AGPS: variants seen among roughly 807,000 people sequenced by gnomAD.
AGPS encodes the protein alkylglycerone phosphate synthase.
A neutral mutation model predicts 90.7 loss-of-function variants in AGPS; 26 were observed. The ratio of observed to expected loss-of-function variants is 0.29; its 90% CI spans 0.21 to 0.40. AGPS has a LOEUF of 0.40. AGPS is among the 10% of genes least tolerant of loss of function. AGPS has a pLI of 1.00. For missense variants in AGPS, 540 were observed against 816.1 expected (o/e 0.66, Z 4.12); for synonymous variants, 294 against 285.3 (o/e 1.03, Z -0.31).
At chr2:177,425,609 G>A (rs1686057631) in intron 2 of AGPS, among the ~76,000 whole-genome samples, 1 of 103,678 alleles carries the variant, frequency 9.6e-6, no homozygotes, top group Admixed American at 1.5e-4. Context: ...CAACAAGAGT[G>A]AAACTCTGCC....
At chr2:177,518,946 G>A (rs924936606) in intron 17 of AGPS, among the ~76,000 whole-genome samples, 1 of 152,022 alleles carries the variant, frequency 6.6e-6, no homozygotes. Flanking sequence ...GGAGAAAGGT[G>A]AGAAGATATG....
intron 1 of AGPS, among the ~76,000 whole-genome samples, chr2:177,405,113 A>G (rs551192078): frequency 6.6e-6 from 1 of 152,316 alleles, no homozygotes; most frequent in South Asian, 2.1e-4. Context: ...ACTTCTTGCT[A>G]CTATTTGCTG....
chr2:177,415,811 C>T (rs1432033907), intron 1 of AGPS, among the ~76,000 whole-genome samples: 1 of 151,942 alleles, frequency 6.6e-6, no homozygotes, highest in Non-Finnish European at 1.5e-5. Context: ...ATCCTTTTGG[C>T]CATTTCAGTT....
intron 6 of AGPS, among the ~76,000 whole-genome samples, chr2:177,441,886 T>C (rs1686613931): frequency 6.6e-6 from 1 of 152,236 alleles, no homozygotes; most frequent in African/African-American, 2.4e-5. Flanking sequence ...AAAGAACATA[T>C]AAATGTTTTT....
chr2:177,403,438 A>G (rs1685383454), intron 1 of AGPS, among the ~76,000 whole-genome samples: 1 of 152,226 alleles, frequency 6.6e-6, no homozygotes, highest in Non-Finnish European at 1.5e-5. Context: ...GCAATGTAAT[A>G]AAGTTTATAA....
At chr2:177,465,810 A>T (rs997465953) in intron 9 of AGPS, among the ~76,000 whole-genome samples, 3 of 152,230 alleles carry the variant, frequency 2.0e-5, no homozygotes, top group African/African-American at 7.2e-5. Context: ...TTGAAGGGCC[A>T]CAGCTCTTCT....
chr2:177,410,289 AC>A (rs1480790163), intron 1 of AGPS, among the ~76,000 whole-genome samples: 1 of 151,872 alleles, frequency 6.6e-6, no homozygotes, highest in Non-Finnish European at 1.5e-5. Context: ...CTTTCTGATG[AC>A]CCTGGCAGCA....
intron 9 of AGPS, among the ~76,000 whole-genome samples, chr2:177,465,173 A>C (rs1296635146): frequency 6.6e-6 from 1 of 152,118 alleles, no homozygotes; most frequent in Non-Finnish European, 1.5e-5. Flanking sequence ...ACATACTTGT[A>C]GTTCTAGCTA....
intron 17 of AGPS, 126 bp downstream of exon 17, chr2:177,514,034 AC>A: frequency 1.4e-6 from 1 of 699,690 alleles, no homozygotes; most frequent in Non-Finnish European, 2.5e-6. Context: ...AGCTTTCCTA[AC>A]CTTCACTTAC....
At chr2:177,429,128 A>G (rs544632496) in intron 2 of AGPS, among the ~76,000 whole-genome samples, 15 of 151,666 alleles carry the variant, frequency 9.9e-5, no homozygotes, top group Non-Finnish European at 2.2e-4. Flanking sequence ...TTGCATTGTG[A>G]ATTTCTTGTG....
chr2:177,481,125 G>A (rs1050898410), intron 10 of AGPS, among the ~76,000 whole-genome samples: 54 of 152,100 alleles, frequency 3.6e-4, no homozygotes, highest in African/African-American at 1.3e-3. Flanking sequence ...TGGTTTTTGC[G>A]AAACTTTTAA....
At chr2:177,532,008 AC>A (rs1156569764) in intron 19 of AGPS, among the ~76,000 whole-genome samples, 1 of 152,202 alleles carries the variant, frequency 6.6e-6, no homozygotes, top group African/African-American at 2.4e-5. Flanking sequence ...TAAAAGTAAA[AC>A]AAAACTATAA....
At chr2:177,424,133 C>T (rs1218141380) in intron 2 of AGPS, among the ~76,000 whole-genome samples, 1 of 152,086 alleles carries the variant, frequency 6.6e-6, no homozygotes, top group Non-Finnish European at 1.5e-5. Flanking sequence ...CCTTGATGGG[C>T]CCCAGTGTAT....
chr2:177,431,105 CT>C (rs1686230023), intron 2 of AGPS, among the ~76,000 whole-genome samples: 1 of 152,134 alleles, frequency 6.6e-6, no homozygotes, highest in African/African-American at 2.4e-5. Flanking sequence ...TAAGTGTCGG[CT>C]GGTCTGAGAA....
chr2:177,431,033 T>A (rs1686227428), intron 2 of AGPS, among the ~76,000 whole-genome samples: 1 of 152,208 alleles, frequency 6.6e-6, no homozygotes, highest in Non-Finnish European at 1.5e-5. Flanking sequence ...TGAGGCTAGA[T>A]GATTGTATAT....
chr2:177,469,298 A>G (rs1687543380), intron 10 of AGPS, among the ~76,000 whole-genome samples: 1 of 152,164 alleles, frequency 6.6e-6, no homozygotes. Flanking sequence ...AAGCTGCAGA[A>G]GATATATTTT....
intron 10 of AGPS, among the ~76,000 whole-genome samples, chr2:177,474,380 A>T (rs948856493): frequency 1.3e-5 from 2 of 152,238 alleles, no homozygotes; most frequent in African/African-American, 4.8e-5. Context: ...CTCTCAGCAA[A>T]AAAAGGGGTT....
At chr2:177,421,293 G>T (rs1224009722) in intron 2 of AGPS, among the ~76,000 whole-genome samples, 1 of 151,876 alleles carries the variant, frequency 6.6e-6, no homozygotes, top group Non-Finnish European at 1.5e-5. Context: ...TTCCAGTATT[G>T]TACCCTGATT....
rs142720176 is a variant in AGPS at position 177,426,531 on chromosome 2, G to A, written c.350+6173G>A. On this transcript the variant is annotated intron_variant, in intron 2 of 19. Transcript: ENST00000264167. ...CTGGTATAATATTGACTATGAGTTT[G>A]TTATATATGGCTCTTATTATTTTGA... Among the ~76,000 whole-genome samples, 352 of 152,232 alleles carry A rather than the reference G, an allele frequency of 2.3e-3. 1 individual carries two copies. The highest frequency in any genetic ancestry group is 7.7e-3 in the African/African-American group (321 of 41,536).
Sources: gnomAD v4.1 joint callset for allele counts (sites outside exome capture counted in the v4.1 genomes callset) on GRCh38, gnomAD v4.1.1 for gene constraint, MANE v1.5 for transcripts, NCBI Gene and HGNC (gene_info 2026-07-23, HGNC 2026-07-21) for gene names.